Variants in THEMIS observed in about 807,000 individuals in gnomAD.
The protein encoded by THEMIS is protein THEMIS.
In THEMIS, 37 loss-of-function variants were observed where a neutral mutation model predicts 52.6. The ratio of observed to expected loss-of-function variants is 0.70; its 90% confidence interval spans 0.54 to 0.93. The LOEUF is 0.93. Ranked by LOEUF, THEMIS falls within the 40% of genes least tolerant of loss-of-function variation. The pLI is 0.00. For missense variants in THEMIS, 808 were observed against 763.1 expected, an observed-to-expected ratio of 1.06 and a Z score of -0.69; for synonymous variants, 292 against 272.7, an observed-to-expected ratio of 1.07 and a Z score of -0.70.
chr6:127,902,888 T>A (rs1047729106), upstream of THEMIS, among the ~76,000 whole-genome samples: 4 of 152,078 alleles, frequency 2.6e-5, no homozygotes, highest in Non-Finnish European at 5.9e-5. Flanking sequence ...TGATATCTAA[T>A]GCAAGCTGGA....
At chr6:127,805,383 T>A (rs1777666610) in intron 4 of THEMIS, among the ~76,000 whole-genome samples, 2 of 152,064 alleles carry the variant, frequency 1.3e-5, no homozygotes, top group Admixed American at 1.3e-4. Flanking sequence ...ATGAGAAAGT[T>A]TACGGCTATA....
upstream of THEMIS, among the ~76,000 whole-genome samples, chr6:127,905,816 A>C (rs1781254392): frequency 8.1e-6 from 1 of 123,744 alleles, no homozygotes; most frequent in South Asian, 2.5e-4. Context: ...AAAGCCACTA[A>C]AAATGGTAAA....
Position 127,890,272 on chromosome 6 carries a change from G to A in THEMIS, c.91+10570C>T, listed in dbSNP as rs912368971. ...TCAGCATTTTCCAAAACAGTATTCAGTAATAAAAACATGTAGTATTTTCAA... is the reference window on the plus strand; with the variant it reads ...TCAGCATTTTCCAAAACAGTATTCAATAATAAAAACATGTAGTATTTTCAA... On this transcript the variant is annotated intron_variant, in intron 1 of 5. Transcript: ENST00000368248. 1.1e-4 allele frequency among the ~76,000 whole-genome samples: 16 copies of A among 152,194 alleles called. 1 individual carries two copies. The highest frequency in any genetic ancestry group is 7.9e-4 in the Admixed American group (12 of 15,268).
At chr6:127,853,161 T>C (rs1779489570) in intron 2 of THEMIS, among the ~76,000 whole-genome samples, 1 of 151,654 alleles carries the variant, frequency 6.6e-6, no homozygotes, top group Admixed American at 6.6e-5. Context: ...TGTGATCTAT[T>C]AGACAGATGG....
intron 1 of THEMIS, among the ~76,000 whole-genome samples, chr6:127,882,821 T>C (rs72971883): frequency 6.6e-4 from 101 of 152,044 alleles, no homozygotes; most frequent in Non-Finnish European, 1.4e-3. Flanking sequence ...TTTTCAAATT[T>C]GCCCTGATTT....
At chr6:127,906,096 TAACA>T (rs1467894321) in intron 1 of THEMIS, among the ~76,000 whole-genome samples, 7 of 151,312 alleles carry the variant, frequency 4.6e-5, no homozygotes, top group Non-Finnish European at 8.9e-5. Context: ...TGTTGGCAGA[TAACA>T]TTTAAACACA....
downstream of THEMIS, among the ~76,000 whole-genome samples, chr6:127,705,885 C>T (rs1773791878): frequency 6.6e-6 from 1 of 152,274 alleles, no homozygotes; most frequent in East Asian, 1.9e-4. Context: ...AATCCATGCT[C>T]CAGGGTACCC....
At chr6:127,786,912 C>T (rs935880390) in intron 4 of THEMIS, among the ~76,000 whole-genome samples, 12 of 152,098 alleles carry the variant, frequency 7.9e-5, no homozygotes, top group Admixed American at 1.3e-4. Context: ...AGCAGCCTTG[C>T]AATCACAGTA....
chr6:127,774,078 T>G (rs944975553), intron 4 of THEMIS, among the ~76,000 whole-genome samples: 1 of 152,232 alleles, frequency 6.6e-6, no homozygotes, highest in African/African-American at 2.4e-5. Context: ...GCTCAGCTGC[T>G]GGGATGCTGT....
At chr6:127,699,800 C>A in the THEMIS span, among the ~76,000 whole-genome samples, 1 of 151,932 alleles carries the variant, frequency 6.6e-6, no homozygotes, top group Admixed American at 6.6e-5. Flanking sequence ...CCTCCTCATA[C>A]CATACATAAA....
At chr6:127,749,986 A>G (rs1419744929) in intron 4 of THEMIS, among the ~76,000 whole-genome samples, 1 of 147,812 alleles carries the variant, frequency 6.8e-6, no homozygotes, top group African/African-American at 2.5e-5. Flanking sequence ...ACCACTGCTC[A>G]TTTCTGTATA....
intron 4 of THEMIS, among the ~76,000 whole-genome samples, chr6:127,737,944 G>A (rs889534337): frequency 2.6e-5 from 4 of 152,082 alleles, no homozygotes; most frequent in African/African-American, 4.8e-5. Flanking sequence ...GGAAAAGGGC[G>A]GGGCTTTAGG....
At position 127,862,428 on chromosome 6, in the gene THEMIS, A is replaced by ATTTTTTTTTTTTTTTTT. The variant is rs71028110; in HGVS notation, c.92-7257_92-7241dup. Reference sequence around the variant, plus strand: ...GCAGGTGAAATCTCCTAGGGAGTAAATTTTTTTTTTTTTTTTTTTTTTGCT... The same window carrying ATTTTTTTTTTTTTTTTT: ...GCAGGTGAAATCTCCTAGGGAGTAAATTTTTTTTTTTTTTTTTTTTTTTTTTTTTTTTTTTTTTTGCT... On this transcript the variant is annotated intron_variant, in intron 1 of 5. Coordinates refer to ENST00000368248, the MANE Select transcript of THEMIS (RefSeq NM_001010923.3). Among the ~76,000 whole-genome samples, 454 of 72,742 alleles carry ATTTTTTTTTTTTTTTTT rather than the reference A, an allele frequency of 6.2e-3. 41 individuals carry two copies. The highest frequency in any genetic ancestry group is 0.01 in the South Asian group (23 of 2,294). The allele number at this position is 72,742 out of a possible 152,430, so 47.7% of individuals were successfully genotyped here. A position where few individuals can be genotyped will look rare whatever the true frequency, so the allele number is the denominator to read the frequency against.
rs1307805464 is a variant in THEMIS, at chr6:127,709,226, T to C, written c.*759A>G. 6.6e-6 allele frequency: 1 copy of C among 152,016 alleles called. No individual in the cohort carries two copies. Among genetic ancestry groups the C allele is most frequent in the African/African-American group, 2.4e-5 (1 of 41,426 alleles). 9.4% of individuals were successfully genotyped at this position (152,016 alleles called of 1,614,324 possible). A position where few individuals can be genotyped will look rare whatever the true frequency, so the allele number is the denominator to read the frequency against. On this transcript the variant is annotated 3_prime_UTR_variant, in exon 6 of 6. Coordinates refer to ENST00000368248, the MANE Select transcript of THEMIS (RefSeq NM_001010923.3). ...CCATCAAATATTATGATTAACTAGATAATTTTCCTACAATCCTAAGAAACA... is the reference window on the plus strand; with the variant it reads ...CCATCAAATATTATGATTAACTAGACAATTTTCCTACAATCCTAAGAAACA...
intron 4 of THEMIS, among the ~76,000 whole-genome samples, chr6:127,723,468 CT>C (rs1562215136): frequency 6.6e-6 from 1 of 151,940 alleles, no homozygotes; most frequent in Admixed American, 6.6e-5. Flanking sequence ...TCCCAGTTTT[CT>C]TTTTTCCATT....
At chr6:127,712,615 A>C (rs1353778298) in intron 5 of THEMIS, among the ~76,000 whole-genome samples, 1 of 151,938 alleles carries the variant, frequency 6.6e-6, no homozygotes, top group African/African-American at 2.4e-5. Flanking sequence ...TCAGTTGATC[A>C]GACTAACTGA....
At chr6:127,909,780 G>C (rs141992059) in intron 1 of THEMIS, 1 of 152,110 alleles carries the variant, frequency 6.6e-6, no homozygotes, top group Non-Finnish European at 1.5e-5. Context: ...ATGGTGATGG[G>C]TGCAGGTTGG....
chr6:127,773,717 T>C (rs1464121472), intron 4 of THEMIS, among the ~76,000 whole-genome samples: 1 of 152,066 alleles, frequency 6.6e-6, no homozygotes, highest in East Asian at 1.9e-4. Flanking sequence ...TAGCAACAAC[T>C]GTACAAAGCT....
upstream of THEMIS, among the ~76,000 whole-genome samples, chr6:127,902,057 G>T (rs781231068): frequency 1.4e-4 from 22 of 151,996 alleles, no homozygotes; most frequent in African/African-American, 2.9e-4. Context: ...GGGTACGGTG[G>T]CTCATACCTG....
Sources: gnomAD v4.1 joint callset for allele counts (sites outside exome capture counted in the v4.1 genomes callset) on GRCh38, gnomAD v4.1.1 for gene constraint, MANE v1.5 for transcripts, NCBI Gene and HGNC (gene_info 2026-07-23, HGNC 2026-07-21) for gene names.